The following CDH15 variants were observed in gnomAD, a reference collection of about 807,000 sequenced individuals.
CDH15 encodes cadherin-15.
In CDH15, 73 loss-of-function variants were observed where a neutral mutation model predicts 69.4. The observed-to-expected ratio is 1.05, with a 90% CI of 0.87 to 1.28. CDH15 has a LOEUF of 1.28. Among genes scored for constraint, CDH15 ranks in the 50% most tolerant of loss-of-function variants. The pLI, the probability that CDH15 is intolerant of heterozygous loss-of-function variation, is 0.00. For synonymous variants in CDH15, 624 were observed against 507.7 expected (o/e 1.23, Z -3.08); for missense variants, 1,343 against 1,133.6 (o/e 1.18, Z -2.65).
chr16:89,187,325 C>T lies in CDH15; in HGVS notation c.664-104C>T, dbSNP rs188251209. ...GGTCTTCAACACCCACTGGGTGCTC[C>T]CGTAGGAACTGAGCTGGCCAGGTGG... On this transcript the variant is annotated intron_variant, in intron 5 of 13. Coordinates refer to ENST00000289746, the MANE Select transcript of CDH15 (RefSeq NM_004933.3). The T allele has an allele frequency of 9.7e-4, 1,363 of 1,406,482 alleles. 10 individuals carry two copies. In the African/African-American group the frequency reaches 0.018, roughly 18 times the overall value. The allele number at this position is 1,406,482 out of a possible 1,614,324, so 87.1% of individuals were successfully genotyped here.
Position 89,191,342 on chromosome 16 carries a change from C to T in CDH15, c.1245C>T (p.Asp415=). ...TCCCCTGCATCAGCTACTCCAAGGA[C>T]TACGACCCGGAAGACTGGCTGCAAG... is the stretch of plus-strand genomic sequence containing the variant. ...EQLQRLSYSK[D]YDPEDWLQVD... Residue 415 remains aspartate, a synonymous_variant, in exon 9 of 14, where the codon GAC becomes GAT. Coordinates refer to ENST00000289746, the MANE Select transcript of CDH15 (RefSeq NM_004933.3). The T allele has an allele frequency of 6.2e-7, 1 of 1,612,836 alleles. No individual in the cohort carries two copies. Among genetic ancestry groups the T allele is most frequent in the East Asian group, 2.2e-5 (1 of 44,886 alleles).
At chr16:89,181,985 G>A (rs1567772262) in intron 3 of CDH15, among the ~76,000 whole-genome samples, 2 of 151,112 alleles carry the variant, frequency 1.3e-5, no homozygotes, top group Non-Finnish European at 3.0e-5. Flanking sequence ...GGAAGAGGAG[G>A]AGAAGAAGAA....
At chr16:89,176,982 C>T (rs1188529561) in intron 1 of CDH15, among the ~76,000 whole-genome samples, 5 of 152,046 alleles carry the variant, frequency 3.3e-5, no homozygotes, top group Non-Finnish European at 5.9e-5. Flanking sequence ...TCTGTCCCCT[C>T]CCAGCCGGGT....
At chr16:89,173,333 C>A (rs1004127967) in intron 1 of CDH15, among the ~76,000 whole-genome samples, 1 of 152,188 alleles carries the variant, frequency 6.6e-6, no homozygotes, top group Non-Finnish European at 1.5e-5. Flanking sequence ...TCCTCCAGAC[C>A]TCTTCCTTTG....
Position 89,190,414 on chromosome 16 carries a change from C to G in CDH15, c.1150C>G (p.Leu384Val). The part of the protein sequence containing the change: ...VFQENPLRTS[L>V]AEGAPPGTLV... Reference sequence around the variant, plus strand: ...CCAGGAGAACCCACTTCGGACCAGCCTAGCAGAGGGGGCACCCCCAGGCAC... The same window carrying G: ...CCAGGAGAACCCACTTCGGACCAGCGTAGCAGAGGGGGCACCCCCAGGCAC... Residue 384 changes from leucine to valine, a missense_variant, in exon 8 of 14, where the codon CTA becomes GTA. Leu to Val is a conservative substitution (Grantham distance 32). Coordinates refer to ENST00000289746, the MANE Select transcript of CDH15 (RefSeq NM_004933.3). The G allele has an allele frequency of 6.2e-7, 1 of 1,612,110 alleles. No individual in the cohort carries two copies. Among genetic ancestry groups the G allele is most frequent in the Non-Finnish European group, 8.5e-7 (1 of 1,179,710 alleles).
Position 89,185,285 on chromosome 16 carries a change from C to G in CDH15, c.615C>G (p.Asp205Glu), listed in dbSNP as rs148424541. 1.6e-5 allele frequency: 25 copies of G among 1,606,228 alleles called. No individual in the cohort carries two copies. In the South Asian group the frequency reaches 2.6e-4, roughly 16 times the overall value. The change falls in exon 5 of 14, where the codon GAC becomes GAG. Residue 205 changes from aspartate to glutamate, a missense_variant. Asp to Glu is a conservative substitution (Grantham distance 45). Transcript: ENST00000289746. ...GCAGCCCCGAGCTCTTCAGCATCGA[C>G]GAGCTCACAGGAGAGATCCGCACAG... The part of the protein sequence containing the change: ...QQGSPELFSI[D>E]ELTGEIRTVQ...
rs1428433522 is a variant in CDH15, at chr16:89,187,288, A to T, written c.664-141A>T. Reference sequence around the variant, plus strand: ...CACTTAGGATCAGGGCAGGATTCTCAGGGCCACTTGGGGTCTTCAACACCC... The same window carrying T: ...CACTTAGGATCAGGGCAGGATTCTCTGGGCCACTTGGGGTCTTCAACACCC... On this transcript the variant is annotated intron_variant, in intron 5 of 13. Coordinates refer to ENST00000289746, the MANE Select transcript of CDH15 (RefSeq NM_004933.3). The T allele has an allele frequency of 2.6e-5, 24 of 910,562 alleles. No individual in the cohort carries two copies. The East Asian group carries it at 5.5e-4, about 21-fold the overall frequency. The allele number at this position is 910,562 out of a possible 1,614,324, so 56.4% of individuals were successfully genotyped here.
At chr16:89,194,002 G>C (rs924434315) in intron 13 of CDH15, 89 bp downstream of exon 13, 1 of 1,433,146 alleles carries the variant, frequency 7.0e-7, no homozygotes, top group Non-Finnish European at 9.6e-7. Context: ...ATGCATGCAA[G>C]AACCGGCGCC....
chr16:89,195,142 G>A lies in CDH15; in HGVS notation c.2432G>A (p.Gly811Asp), dbSNP rs941019132. Reference protein sequence around the residue: ...SPGALLPRHRGRTA With the variant: ...SPGALLPRHRDRTA ...GGGGCACTGCTACCCAGACACAGAG[G>A]CCGGACAGCCTGACCCTGGGGCGCA... is the stretch of plus-strand genomic sequence containing the variant. Residue 811 changes from glycine (G) to aspartate (D), a missense_variant, in exon 14 of 14, where the codon GGC becomes GAC. Gly to Asp is a moderately conservative substitution (Grantham distance 94). Coordinates refer to ENST00000289746, the MANE Select transcript of CDH15 (RefSeq NM_004933.3). The A allele has an allele frequency of 1.9e-6, 3 of 1,593,760 alleles. No individual in the cohort carries two copies. Among genetic ancestry groups the A allele is most frequent in the Admixed American group, 1.7e-5 (1 of 59,404 alleles).
chr16:89,188,061 C>G (rs757936804), intron 6 of CDH15, 39 bp from the exon 7 acceptor site: 5 of 1,570,094 alleles, frequency 3.2e-6, no homozygotes, highest in African/African-American at 1.4e-5. Context: ...GCTGTCCCCC[C>G]AGCCCTGCTG....
intron 5 of CDH15, among the ~76,000 whole-genome samples, chr16:89,186,861 G>T: frequency 1.4e-5 from 2 of 138,410 alleles, no homozygotes; most frequent in South Asian, 2.3e-4. Context: ...CTCTGTAAAC[G>T]CTTACCCAGC....
chr16:89,188,835 GGTGCCC>G (rs1915562513), intron 7 of CDH15, among the ~76,000 whole-genome samples: 1 of 68,510 alleles, frequency 1.5e-5, no homozygotes, highest in Admixed American at 1.7e-4. Context: ...CCCACGCACA[GGTGCCC>G]ACACACAGAT....
chr16:89,182,903 G>C (rs1915409231), intron 3 of CDH15: 1 of 152,364 alleles, frequency 6.6e-6, no homozygotes, highest in African/African-American at 2.4e-5. Flanking sequence ...TTCAGGAGGA[G>C]GCCAGGCGCA....
chr16:89,192,467 C>A (rs948318008), intron 11 of CDH15, 23 bp downstream of exon 11: 4 of 1,563,446 alleles, frequency 2.6e-6, no homozygotes, highest in Non-Finnish European at 3.4e-6. Flanking sequence ...CCCGCCTCCA[C>A]CTGGACCCTC....
At position 89,192,197 on chromosome 16, in the gene CDH15, C is replaced by G. The variant is rs1478344969; in HGVS notation, c.1616-8C>G. On this transcript the variant is annotated splice_polypyrimidine_tract_variant and splice_region_variant and intron_variant, in intron 10 of 13. Transcript: ENST00000289746. ...GAGGCCCTCGCTCACCACAGGCGCC[C>G]TCCGCAGTGAGCCACGCGCGCCTGC... 1 of 1,528,660 alleles carries G rather than the reference C, an allele frequency of 6.5e-7. No homozygotes were observed. Among genetic ancestry groups the G allele is most frequent in the Admixed American group, 2.0e-5 (1 of 50,668 alleles). 94.7% of individuals were successfully genotyped at this position (1,528,660 alleles called of 1,614,324 possible).
rs571386247 is a variant in CDH15, at chr16:89,185,907, G to A, written c.663+574G>A. On this transcript the variant is annotated intron_variant, in intron 5 of 13. Transcript: ENST00000289746. Reference sequence around the variant, plus strand: ...GCTCTGTAAACACCCAGCGCACAGTGGTGCTCTGTAAACGCTTATCCAGCA... The same window carrying A: ...GCTCTGTAAACACCCAGCGCACAGTAGTGCTCTGTAAACGCTTATCCAGCA... 92 of 174,418 alleles carry A rather than the reference G, an allele frequency of 5.3e-4. No homozygotes were observed. The Middle Eastern group carries it at 0.014, about 27-fold the overall frequency. 10.8% of individuals were successfully genotyped at this position (174,418 alleles called of 1,614,324 possible).
intron 4 of CDH15, among the ~76,000 whole-genome samples, chr16:89,183,927 C>A (rs1230611749): frequency 6.6e-6 from 1 of 152,160 alleles, no homozygotes; most frequent in Non-Finnish European, 1.5e-5. Context: ...GTCTTGTTCT[C>A]CCCCAAAAGC....
chr16:89,176,896 G>C (rs77698824), intron 1 of CDH15, among the ~76,000 whole-genome samples: 7,722 of 152,186 alleles, frequency 0.051, 306 homozygotes, highest in East Asian at 0.17. Context: ...CCCCCTGCCC[G>C]ACATGGCAGC....
In CDH15 at chr16:89,192,318, G is replaced by C. The variant is rs1439812562; in HGVS notation, c.1729G>C (p.Val577Leu). The C allele has an allele frequency of 1.4e-5, 21 of 1,535,608 alleles. No individual in the cohort carries two copies. The East Asian group carries it at 4.1e-4, about 30-fold the overall frequency. ...CCAGCAGCGCGAGCAGCCTCTGAAC[G>C]TGACCGTGTGCCGCTGCGGCAAGGA... The part of the protein sequence containing the change: ...PPQQREQPLN[V>L]TVCRCGKDGV... The change falls in exon 11 of 14, where the codon GTG (valine) becomes CTG (leucine). Residue 577 changes from valine to leucine, a missense_variant. Coordinates refer to ENST00000289746, the MANE Select transcript of CDH15 (RefSeq NM_004933.3).
Sources: gnomAD v4.1 joint callset for allele counts (sites outside exome capture counted in the v4.1 genomes callset) on GRCh38, gnomAD v4.1.1 for gene constraint, MANE v1.5 for transcripts, NCBI Gene and HGNC (gene_info 2026-07-23, HGNC 2026-07-21) for gene names.